The following RNF212B variants were observed in gnomAD, a reference collection of about 807,000 sequenced individuals.
RNF212B encodes ring finger protein 212B, also known as E3 ubiquitin-protein ligase RNF212B.
In RNF212B, 52 loss-of-function variants were observed where a neutral mutation model predicts 55.5. The ratio of observed to expected loss-of-function variants is 0.94; its 90% CI spans 0.75 to 1.18. The LOEUF is 1.18. Ranked by LOEUF, RNF212B falls within the 50% of genes most tolerant of loss-of-function variation. The pLI is 0.00. For missense variants in RNF212B, 289 were observed against 350.4 expected, an observed-to-expected ratio of 0.82 and a Z score of 1.40; for synonymous variants, 99 against 121.4, an observed-to-expected ratio of 0.82 and a Z score of 1.21.
chr14:23,257,511 G>C (rs933467630), intron 4 of RNF212B, among the ~76,000 whole-genome samples: 9 of 152,094 alleles, frequency 5.9e-5, no homozygotes, highest in Non-Finnish European at 1.2e-4. Flanking sequence ...AATTAAGTGA[G>C]AACAAAAAGT....
At chr14:23,239,821 G>A (rs1026868891) in intron 1 of RNF212B, among the ~76,000 whole-genome samples, 2 of 151,928 alleles carry the variant, frequency 1.3e-5, no homozygotes, top group African/African-American at 4.8e-5. Context: ...GTTTCACCAT[G>A]TTGGCCAGGC....
chr14:23,232,551 G>A (rs546269412), intron 2 of RNF212B, among the ~76,000 whole-genome samples: 10 of 151,394 alleles, frequency 6.6e-5, no homozygotes, highest in Admixed American at 5.9e-4. Flanking sequence ...GGAGGGAGGT[G>A]GGGGTCAGCC....
chr14:23,214,548 A>G (rs918899155), intron 2 of RNF212B, among the ~76,000 whole-genome samples: 1 of 151,906 alleles, frequency 6.6e-6, no homozygotes, highest in African/African-American at 2.4e-5. Flanking sequence ...AATTTAAAAA[A>G]AGGACAACCA....
chr14:23,209,069 G>A (rs897323789), intron 2 of RNF212B, among the ~76,000 whole-genome samples: 7 of 152,154 alleles, frequency 4.6e-5, no homozygotes, highest in African/African-American at 1.7e-4. Flanking sequence ...GGTTGCCCAT[G>A]TTTATGGTTA....
At chr14:23,254,423 C>G (rs1036009049) in intron 4 of RNF212B, among the ~76,000 whole-genome samples, 1 of 152,062 alleles carries the variant, frequency 6.6e-6, no homozygotes, top group Non-Finnish European at 1.5e-5. Context: ...AATTTGAGAC[C>G]AGCTTGGGCA....
chr14:23,253,908 A>G (rs542629115), intron 4 of RNF212B, among the ~76,000 whole-genome samples: 17 of 152,348 alleles, frequency 1.1e-4, no homozygotes, highest in Non-Finnish European at 2.2e-4. Context: ...AAACTTAGTG[A>G]CTTATTTACA....
At chr14:23,226,800 T>TTTC (rs200134695) in intron 2 of RNF212B, among the ~76,000 whole-genome samples, 111 of 106,184 alleles carry the variant, frequency 1.0e-3, no homozygotes, top group African/African-American at 3.4e-3. Context: ...CCTTTCCTTC[T>TTTC]TTCTTCTTCT....
intron 2 of RNF212B, among the ~76,000 whole-genome samples, chr14:23,205,000 C>A (rs1814990464): frequency 6.6e-6 from 1 of 152,114 alleles, no homozygotes; most frequent in Non-Finnish European, 1.5e-5. Context: ...AGTTTTAACT[C>A]AGTTTTTTTC....
intron 2 of RNF212B, among the ~76,000 whole-genome samples, chr14:23,211,042 AC>A (rs1212653888): frequency 1.3e-5 from 2 of 151,844 alleles, no homozygotes; most frequent in Non-Finnish European, 2.9e-5. Context: ...ACATAGTGAA[AC>A]CCCGTCTCTA....
At chr14:23,263,046 T>G in intron 9 of RNF212B, 76 bp downstream of exon 9, 2 of 1,316,954 alleles carry the variant, frequency 1.5e-6, no homozygotes, top group Non-Finnish European at 2.1e-6. Context: ...TAGCTCAGAT[T>G]GGGACTGATG....
chr14:23,229,261 T>TATATATATATATATATATATAC (rs558232357), intron 2 of RNF212B, among the ~76,000 whole-genome samples: 1 of 127,182 alleles, frequency 7.9e-6, no homozygotes. Context: ...TATATATATA[T>TATATATATATATATATATATAC]ACCACATTGT....
chr14:23,241,305 G>A (rs1883546670), intron 2 of RNF212B, among the ~76,000 whole-genome samples: 1 of 152,176 alleles, frequency 6.6e-6, no homozygotes. Context: ...TAAACAGTAA[G>A]GTAAGAAGTG....
chr14:23,235,943 C>A (rs1435275654), upstream of RNF212B, among the ~76,000 whole-genome samples: 1 of 152,158 alleles, frequency 6.6e-6, no homozygotes, highest in Non-Finnish European at 1.5e-5. Flanking sequence ...ACTCAGACTT[C>A]CTGAATTTTT....
intron 2 of RNF212B, among the ~76,000 whole-genome samples, chr14:23,211,986 C>T (rs1055268420): frequency 6.6e-6 from 1 of 152,116 alleles, no homozygotes; most frequent in African/African-American, 2.4e-5. Context: ...CCTCAGCCTC[C>T]CAAAGTGCTG....
At chr14:23,244,620 C>T (rs1883857231) in intron 4 of RNF212B, among the ~76,000 whole-genome samples, 1 of 152,118 alleles carries the variant, frequency 6.6e-6, no homozygotes, top group South Asian at 2.1e-4. Flanking sequence ...TAACATCTTG[C>T]CTTGTATTTC....
intron 2 of RNF212B, among the ~76,000 whole-genome samples, chr14:23,217,766 C>G (rs1425146515): frequency 6.6e-6 from 1 of 152,082 alleles, no homozygotes; most frequent in African/African-American, 2.4e-5. Context: ...CTAAGAAGGA[C>G]AGGCACAAAC....
chr14:23,251,597 C>A (rs989635638), intron 4 of RNF212B, among the ~76,000 whole-genome samples: 4 of 152,168 alleles, frequency 2.6e-5, no homozygotes, highest in African/African-American at 9.7e-5. Flanking sequence ...GGGCAGATCA[C>A]CTGAGGTCAG....
At position 23,240,452 on chromosome 14, in the gene RNF212B, G is replaced by C; in HGVS notation, c.100+7G>C. 6.6e-7 allele frequency: 1 copy of C among 1,521,862 alleles called. No individual in the cohort carries two copies. The highest frequency in any genetic ancestry group is 8.9e-7 in the Non-Finnish European group (1 of 1,121,496). 94.3% of individuals were successfully genotyped at this position (1,521,862 alleles called of 1,614,324 possible). ...AAAAAGTGTGTGACTCTGGGTGAGT[G>C]ACTCAACTGTTTTCAGATTCAGGGA... On this transcript the variant is annotated splice_region_variant and intron_variant, in intron 2 of 14. Transcript: ENST00000430154.
intron 2 of RNF212B, among the ~76,000 whole-genome samples, chr14:23,219,477 GTT>G (rs149486751): frequency 2.1e-5 from 3 of 145,100 alleles, no homozygotes; most frequent in Non-Finnish European, 3.0e-5. Flanking sequence ...TCTCCTTCTA[GTT>G]TTTTTTTTTT....
Sources: gnomAD v4.1 joint callset for allele counts (sites outside exome capture counted in the v4.1 genomes callset) on GRCh38, gnomAD v4.1.1 for gene constraint, MANE v1.5 for transcripts, NCBI Gene and HGNC (gene_info 2026-07-23, HGNC 2026-07-21) for gene names.